LRRC7: variants seen among roughly 807,000 people sequenced by gnomAD.
LRRC7 encodes leucine rich repeat containing 7, also known as leucine-rich repeat-containing protein 7.
Under a neutral mutation model 175.7 loss-of-function variants are expected in LRRC7, and 23 were observed. That is an observed-to-expected ratio of 0.13 (90% CI 0.09 to 0.19). The LOEUF is 0.19. Among genes scored for constraint, LRRC7 ranks in the 10% least tolerant of loss-of-function variants. LRRC7 has a pLI of 1.00. For missense variants in LRRC7, 1,354 were observed against 1,904.7 expected (o/e 0.71, Z 5.38); for synonymous variants, 685 against 680.9 (o/e 1.01, Z -0.09).
Position 70,140,965 on chromosome 1 carries a change from G to A in LRRC7, c.*19078G>A, listed in dbSNP as rs1358415768. On this transcript the variant is annotated 3_prime_UTR_variant, in exon 27 of 27. Coordinates refer to ENST00000651989, the MANE Select transcript of LRRC7 (RefSeq NM_001370785.2). ...AAACAACTTTCCTCAGTTCGCAACT[G>A]AGGTGTAGCCCAGGGAATAAGTATG... Among the ~76,000 whole-genome samples the A allele has an allele frequency of 6.6e-6, 1 of 152,080 alleles. No individual in the cohort carries two copies. Among genetic ancestry groups the A allele is most frequent in the Admixed American group, 6.6e-5 (1 of 15,248 alleles).
At chr1:69,896,895 G>A (rs1276921768) in intron 7 of LRRC7, among the ~76,000 whole-genome samples, 1 of 152,016 alleles carries the variant, frequency 6.6e-6, no homozygotes, top group African/African-American at 2.4e-5. Flanking sequence ...CTGCTCAAAG[G>A]TTAGCCTCTG....
chr1:69,584,356 C>G (rs1192852062), intron 1 of LRRC7, among the ~76,000 whole-genome samples: 1 of 152,100 alleles, frequency 6.6e-6, no homozygotes, highest in African/African-American at 2.4e-5. Context: ...CCCTGGCCTT[C>G]AAAATTTTAT....
chr1:69,809,231 T>C (rs1324358571), intron 4 of LRRC7, among the ~76,000 whole-genome samples: 1 of 152,208 alleles, frequency 6.6e-6, no homozygotes, highest in African/African-American at 2.4e-5. Flanking sequence ...CAGGAAGAAG[T>C]TGAATCCCTG....
chr1:69,660,223 A>T (rs1657254979), intron 1 of LRRC7, among the ~76,000 whole-genome samples: 1 of 152,110 alleles, frequency 6.6e-6, no homozygotes, highest in Admixed American at 6.6e-5. Flanking sequence ...CTACATAATG[A>T]TAAAAGGTTC....
intron 7 of LRRC7, among the ~76,000 whole-genome samples, chr1:69,888,523 C>T (rs1236251629): frequency 2.0e-5 from 3 of 152,126 alleles, no homozygotes; most frequent in Non-Finnish European, 4.4e-5. Flanking sequence ...GTCTGGCACT[C>T]CCTAGTGAGA....
At chr1:69,601,105 C>T (rs905726159) in intron 1 of LRRC7, among the ~76,000 whole-genome samples, 1 of 152,070 alleles carries the variant, frequency 6.6e-6, no homozygotes, top group Non-Finnish European at 1.5e-5. Flanking sequence ...CATGAGCCAC[C>T]GTGCCTCGCC....
At chr1:69,638,312 G>T (rs1404270004) in intron 1 of LRRC7, among the ~76,000 whole-genome samples, 1 of 151,744 alleles carries the variant, frequency 6.6e-6, no homozygotes, top group Admixed American at 6.6e-5. Flanking sequence ...GACTATTATT[G>T]TCTGGGAATA....
chr1:69,782,461 A>C lies in LRRC7; in HGVS notation c.304-9582A>C, dbSNP rs541038535. On this transcript the variant is annotated intron_variant, in intron 3 of 26. Transcript: ENST00000651989. ...GAACTTGAACAACAGAGTAGAGGGGAGGTGGGATAGGGTGGAGTGGAAAAG... is the reference window on the plus strand; with the variant it reads ...GAACTTGAACAACAGAGTAGAGGGGCGGTGGGATAGGGTGGAGTGGAAAAG... 1.9e-4 allele frequency among the ~76,000 whole-genome samples: 29 copies of C among 152,264 alleles called. No individual in the cohort carries two copies. The East Asian group carries it at 5.2e-3, about 27-fold the overall frequency.
At chr1:69,707,256 G>T (rs961159527) in intron 2 of LRRC7, among the ~76,000 whole-genome samples, 1 of 152,130 alleles carries the variant, frequency 6.6e-6, no homozygotes, top group Non-Finnish European at 1.5e-5. Context: ...TGTGTTCAAT[G>T]CAGCCTGTAA....
chr1:69,978,801 A>T (rs1032587263), intron 8 of LRRC7, among the ~76,000 whole-genome samples: 4 of 152,190 alleles, frequency 2.6e-5, no homozygotes, highest in African/African-American at 9.7e-5. Context: ...TAACTTTGAT[A>T]TAATTCCATT....
intron 7 of LRRC7, among the ~76,000 whole-genome samples, chr1:69,868,340 T>C (rs1290547266): frequency 1.3e-5 from 2 of 152,192 alleles, no homozygotes; most frequent in Non-Finnish European, 2.9e-5. Flanking sequence ...TTTTCTTTTT[T>C]TTCTATGAAT....
rs535971236 is a variant in LRRC7, at chr1:69,679,719, T to A, written c.100+1241T>A. The stretch of plus-strand genomic sequence containing the variant: ...TGCTTCAAGGAGACCATCAGTTTAG[T>A]CTCTGGTACAGTTCTGTAAATATTT... On this transcript the variant is annotated intron_variant, in intron 2 of 26. Transcript: ENST00000651989. Among the ~76,000 whole-genome samples the A allele has an allele frequency of 6.6e-5, 10 of 152,210 alleles. No homozygotes were observed. In the South Asian group the frequency reaches 2.1e-3, roughly 32 times the overall value.
At chr1:69,699,055 G>A (rs1240965116) in intron 2 of LRRC7, among the ~76,000 whole-genome samples, 1 of 152,044 alleles carries the variant, frequency 6.6e-6, no homozygotes, top group Non-Finnish European at 1.5e-5. Flanking sequence ...GGGTACACGT[G>A]CACAACGTGC....
chr1:69,749,857 A>T (rs1337710597), intron 2 of LRRC7, among the ~76,000 whole-genome samples: 3 of 151,736 alleles, frequency 2.0e-5, no homozygotes, highest in Non-Finnish European at 4.4e-5. Flanking sequence ...AGGTCAGGAG[A>T]TCGAGACCAT....
intron 11 of LRRC7, among the ~76,000 whole-genome samples, chr1:70,002,926 A>G (rs1186034453): frequency 6.6e-6 from 1 of 152,216 alleles, no homozygotes; most frequent in East Asian, 1.9e-4. Context: ...AAAGAAAAAT[A>G]TAAGTATTTG....
chr1:69,595,275 C>A (rs1646795150), intron 1 of LRRC7, among the ~76,000 whole-genome samples: 1 of 152,064 alleles, frequency 6.6e-6, no homozygotes, highest in Non-Finnish European at 1.5e-5. Context: ...CAAAAATTAG[C>A]CGGGCGTGGT....
intron 7 of LRRC7, among the ~76,000 whole-genome samples, chr1:69,840,344 T>C (rs370270344): frequency 1.3e-5 from 2 of 152,062 alleles, no homozygotes; most frequent in Admixed American, 6.6e-5. Flanking sequence ...GAGAGCATTA[T>C]AGTATCCTTT....
chr1:70,069,851 C>T (rs974182699), intron 23 of LRRC7, among the ~76,000 whole-genome samples: 8 of 152,140 alleles, frequency 5.3e-5, no homozygotes, highest in Admixed American at 4.6e-4. Flanking sequence ...TACCAGGTCA[C>T]TGTTTCTTTC....
chr1:69,695,457 C>T (rs1662455206), intron 2 of LRRC7, among the ~76,000 whole-genome samples: 1 of 152,084 alleles, frequency 6.6e-6, no homozygotes, highest in African/African-American at 2.4e-5. Context: ...ACAGCCTGGC[C>T]ATGTGATAGA....
Sources: gnomAD v4.1 joint callset for allele counts (sites outside exome capture counted in the v4.1 genomes callset) on GRCh38, gnomAD v4.1.1 for gene constraint, MANE v1.5 for transcripts, NCBI Gene and HGNC (gene_info 2026-07-23, HGNC 2026-07-21) for gene names.